The following SMARCD3 variants were observed in gnomAD, a reference collection of about 807,000 sequenced individuals.
The protein encoded by SMARCD3 is SWI/SNF-related matrix-associated actin-dependent regulator of chromatin subfamily D member 3.
Under a neutral mutation model 58.0 loss-of-function variants are expected in SMARCD3, and 14 were observed. The observed-to-expected ratio is 0.24, with a 90% CI of 0.16 to 0.38. The LOEUF is 0.38. SMARCD3 is among the 10% of genes least tolerant of loss of function. The pLI is 1.00. For missense variants in SMARCD3, 408 were observed against 636.9 expected (o/e 0.64, Z 3.87); for synonymous variants, 253 against 253.8 (o/e 1.00, Z 0.03).
chr7:151,249,866 A>C (rs1423592703), upstream of SMARCD3, among the ~76,000 whole-genome samples: 1 of 151,994 alleles, frequency 6.6e-6, no homozygotes, highest in Non-Finnish European at 1.5e-5. This position sits in a 1 kb window ranked among gnomAD's most constrained non-coding sequence, Gnocchi z 4.8. Flanking sequence ...AAATCCTGAC[A>C]TACCCAGGCA....
chr7:151,274,118 G>A (rs928126176), intron 2 of SMARCD3, among the ~76,000 whole-genome samples: 2 of 152,260 alleles, frequency 1.3e-5, no homozygotes, highest in African/African-American at 4.8e-5. Context: ...TGTGTGGTCT[G>A]TGGCCCTTTG....
chr7:151,270,227 C>T (rs866819647), intron 2 of SMARCD3, among the ~76,000 whole-genome samples: 4 of 152,126 alleles, frequency 2.6e-5, no homozygotes, highest in Non-Finnish European at 5.9e-5. Context: ...CCTCCAACCA[C>T]GGAGTTACAG....
chr7:151,243,815 C>T lies in SMARCD3; in HGVS notation c.291-114G>A. 1 of 803,494 alleles carries T rather than the reference C, an allele frequency of 1.2e-6. No individual in the cohort carries two copies. Among genetic ancestry groups the T allele is most frequent in the Non-Finnish European group, 2.2e-6 (1 of 448,342 alleles). The allele number at this position is 803,494 out of a possible 1,614,324, so 49.8% of individuals were successfully genotyped here. A position where few individuals can be genotyped will look rare whatever the true frequency, so the allele number is the denominator to read the frequency against. On this transcript the variant is annotated intron_variant, in intron 2 of 12. Transcript: ENST00000262188. This position sits in a 1 kb window ranked among gnomAD's most constrained non-coding sequence, Gnocchi z 4.4. ...GCCCGCCTGGCTGGGGTTCCCACAGCCCACTTGTCTGCCCGCCCAAGGGCT... is the reference window on the plus strand; with the variant it reads ...GCCCGCCTGGCTGGGGTTCCCACAGTCCACTTGTCTGCCCGCCCAAGGGCT...
Position 151,272,020 on chromosome 7 carries a change from T to C in SMARCD3, c.39+3094A>G, listed in dbSNP as rs115080306. ...AATGCATTCCTCTAGTTGCTCCAAA[T>C]TTTAAGTTTGGGTTAAGCAATATTA... On this transcript the variant is annotated intron_variant, in intron 2 of 13. Coordinates refer to the SMARCD3 transcript ENST00000356800. Among the ~76,000 whole-genome samples the C allele has an allele frequency of 8.8e-3, 1,343 of 152,274 alleles. 23 individuals are homozygous for C. Among genetic ancestry groups the C allele is most frequent in the African/African-American group, 0.031 (1,282 of 41,536 alleles).
At position 151,239,239 on chromosome 7, in the gene SMARCD3, C is replaced by G. The variant is rs940967573; in HGVS notation, c.1399-83G>C. 1 of 1,482,148 alleles carries G rather than the reference C, an allele frequency of 6.7e-7. No individual in the cohort carries two copies. The allele number at this position is 1,482,148 out of a possible 1,614,324, so 91.8% of individuals were successfully genotyped here. A position where few individuals can be genotyped will look rare whatever the true frequency, so the allele number is the denominator to read the frequency against. On this transcript the variant is annotated intron_variant, in intron 12 of 12. Coordinates refer to ENST00000262188, the MANE Select transcript of SMARCD3 (RefSeq NM_001003801.2). The surrounding 1 kb of genome is among the most constrained non-coding windows in gnomAD (Gnocchi z 7.0). ...ATCCCACCTACTGACACCGCCTGCC[C>G]TGAAAGAGCATCTGGGAGCAGGGAG...
Position 151,239,313 on chromosome 7 carries a change from G to T in SMARCD3, c.1398+83C>A. ...TGGTGAAGCTTTACTGTGGGGAGCT[G>T]CGAGGGCTGCCCACAAGCTGAACAG... On this transcript the variant is annotated intron_variant, in intron 12 of 12. Coordinates refer to ENST00000262188, the MANE Select transcript of SMARCD3 (RefSeq NM_001003801.2). The surrounding 1 kb of genome is among the most constrained non-coding windows in gnomAD (Gnocchi z 7.0). The T allele has an allele frequency of 1.5e-6, 2 of 1,344,922 alleles. No homozygotes were observed. The highest frequency in any genetic ancestry group is 2.1e-6 in the Non-Finnish European group (2 of 937,544). 83.3% of individuals were successfully genotyped at this position (1,344,922 alleles called of 1,614,324 possible).
Position 151,259,605 on chromosome 7 carries a change from T to TTTTTTTTTTTTTTTG in SMARCD3, c.40-13935_40-13934insCAAAAAAAAAAAAAA, listed in dbSNP as rs1803842323. On this transcript the variant is annotated intron_variant, in intron 2 of 13. Coordinates refer to the SMARCD3 transcript ENST00000356800. ...AGCTGAGGTTACAACCTGAGAGTTT[T>TTTTTTTTTTTTTTTG]TTTTTTTTTTTTTTTTTTTTTGAGA... is the stretch of plus-strand genomic sequence containing the variant. 1.9e-5 allele frequency among the ~76,000 whole-genome samples: 2 copies of TTTTTTTTTTTTTTTG among 106,080 alleles called. 1 individual carries two copies. Among genetic ancestry groups the TTTTTTTTTTTTTTTG allele is most frequent in the African/African-American group, 1.0e-4 (2 of 20,044 alleles). The allele number at this position is 106,080 out of a possible 152,430, so 69.6% of individuals were successfully genotyped here.
Position 151,241,388 on chromosome 7 carries a change from C to T in SMARCD3, c.939+104G>A. On this transcript the variant is annotated intron_variant, in intron 8 of 12. Coordinates refer to ENST00000262188, the MANE Select transcript of SMARCD3 (RefSeq NM_001003801.2). The surrounding 1 kb of genome is among the most constrained non-coding windows in gnomAD (Gnocchi z 5.3). ...ATGACTGTGTACTGCTTCTGCTACT[C>T]AGGAATCTAGAAGGGAGGGGTGGTA... The T allele has an allele frequency of 1.0e-6, 1 of 982,690 alleles. No individual in the cohort carries two copies. 60.9% of individuals were successfully genotyped at this position (982,690 alleles called of 1,614,324 possible).
At position 151,241,285 on chromosome 7, in the gene SMARCD3, A is replaced by G; in HGVS notation, c.939+207T>C. ...GTCTTCCTAACTTGGGGGGGCTAAC[A>G]TGGATTGGCTGCAGCACAGAGCTAA... On this transcript the variant is annotated intron_variant, in intron 8 of 12. Transcript: ENST00000262188. This position sits in a 1 kb window ranked among gnomAD's most constrained non-coding sequence, Gnocchi z 5.3. 1.6e-6 allele frequency: 1 copy of G among 620,734 alleles called. No homozygotes were observed. The highest frequency in any genetic ancestry group is 2.9e-6 in the Non-Finnish European group (1 of 341,088). 38.5% of individuals were successfully genotyped at this position (620,734 alleles called of 1,614,324 possible).
chr7:151,243,003 G>C lies in SMARCD3; in HGVS notation c.334-160C>G, dbSNP rs1803077116. 6.6e-6 allele frequency among the ~76,000 whole-genome samples: 1 copy of C among 152,122 alleles called. No homozygotes were observed. The highest frequency in any genetic ancestry group is 1.5e-5 in the Non-Finnish European group (1 of 68,004). On this transcript the variant is annotated intron_variant, in intron 3 of 12. Transcript: ENST00000262188. The surrounding 1 kb of genome is among the most constrained non-coding windows in gnomAD (Gnocchi z 4.4). ...CAGTGGGAACAGGACCTCTCCCCAG[G>C]ATGCCATTATCCAGCAGTAGGGGCC...
chr7:151,239,986 CT>C lies in SMARCD3; in HGVS notation c.1173+125del. 1.1e-6 allele frequency: 1 copy of C among 945,454 alleles called. No individual in the cohort carries two copies. Among genetic ancestry groups the C allele is most frequent in the East Asian group, 2.6e-5 (1 of 38,658 alleles). The allele number at this position is 945,454 out of a possible 1,614,324, so 58.6% of individuals were successfully genotyped here. A position where few individuals can be genotyped will look rare whatever the true frequency, so the allele number is the denominator to read the frequency against. Reference sequence around the variant, plus strand: ...GTGTCCCATTGGCCCAGAGTCTGGTCTCTTTTTTTTTTTTTTTTTTAATTTA... The same window carrying C: ...GTGTCCCATTGGCCCAGAGTCTGGTCCTTTTTTTTTTTTTTTTTTAATTTA... On this transcript the variant is annotated intron_variant, in intron 10 of 12. Coordinates refer to ENST00000262188, the MANE Select transcript of SMARCD3 (RefSeq NM_001003801.2). This position sits in a 1 kb window ranked among gnomAD's most constrained non-coding sequence, Gnocchi z 7.0.
rs546923781 is a variant in SMARCD3 at position 151,239,315 on chromosome 7, G to A, written c.1398+81C>T. 4.4e-6 allele frequency: 6 copies of A among 1,350,488 alleles called. No individual in the cohort carries two copies. The highest frequency in any genetic ancestry group is 2.3e-5 in the East Asian group (1 of 43,318). 83.7% of individuals were successfully genotyped at this position (1,350,488 alleles called of 1,614,324 possible). ...GTGAAGCTTTACTGTGGGGAGCTGC[G>A]AGGGCTGCCCACAAGCTGAACAGGG... On this transcript the variant is annotated intron_variant, in intron 12 of 12. Transcript: ENST00000262188. The surrounding 1 kb of genome is among the most constrained non-coding windows in gnomAD (Gnocchi z 7.0).
chr7:151,250,890 T>C (rs1803489128), upstream of SMARCD3, among the ~76,000 whole-genome samples: 1 of 152,068 alleles, frequency 6.6e-6, no homozygotes, highest in African/African-American at 2.4e-5. Flanking sequence ...TACTCTGCCA[T>C]TTACCTGATG....
chr7:151,253,491 C>G (rs1427316330), upstream of SMARCD3, among the ~76,000 whole-genome samples: 1 of 152,198 alleles, frequency 6.6e-6, no homozygotes, highest in African/African-American at 2.4e-5. Flanking sequence ...CCTCCTTCCT[C>G]TCTTTGCCTG....
chr7:151,267,031 G>T (rs747205859), intron 2 of SMARCD3, among the ~76,000 whole-genome samples: 2 of 152,146 alleles, frequency 1.3e-5, no homozygotes, highest in Non-Finnish European at 2.9e-5. Flanking sequence ...TATACCACAG[G>T]AATTGGCGAA....
chr7:151,275,727 G>A (rs1348457893), intron 1 of SMARCD3, among the ~76,000 whole-genome samples: 4 of 152,310 alleles, frequency 2.6e-5, no homozygotes, highest in South Asian at 4.1e-4. Flanking sequence ...TGGCCTAGGC[G>A]CCTCCCTCCT....
At chr7:151,255,839 G>A (rs1027580823) in intron 2 of SMARCD3, among the ~76,000 whole-genome samples, 34 of 151,782 alleles carry the variant, frequency 2.2e-4, no homozygotes, top group African/African-American at 6.8e-4. Context: ...TTGTTTTGAC[G>A]GTGACACATA....
At chr7:151,257,138 G>C (rs142503384) in intron 2 of SMARCD3, among the ~76,000 whole-genome samples, 1,879 of 152,164 alleles carry the variant, frequency 0.012, 47 homozygotes, top group African/African-American at 0.043. Context: ...TGATCCTCCC[G>C]CCTCAGCCTC....
Position 151,245,538 on chromosome 7 carries a change from C to G in SMARCD3, c.212G>C (p.Arg71Pro). Reference sequence around the variant, plus strand: ...GCTCTGCCCGGGCGGGGGCGCTGCTCGCTTGCGGGCGGGCTCCATGCCCGC... The same window carrying G: ...GCTCTGCCCGGGCGGGGGCGCTGCTGGCTTGCGGGCGGGCTCCATGCCCGC... ...APAGMEPARK[R>P]AAPPPGQSQA... Residue 71 changes from arginine to proline, a missense_variant, in exon 2 of 13, where the codon CGA becomes CCA. Coordinates refer to ENST00000262188, the MANE Select transcript of SMARCD3 (RefSeq NM_001003801.2). The surrounding 1 kb of genome is among the most constrained non-coding windows in gnomAD (Gnocchi z 6.2). 8.2e-7 allele frequency: 1 copy of G among 1,218,472 alleles called. No individual in the cohort carries two copies. The highest frequency in any genetic ancestry group is 1.0e-6 in the Non-Finnish European group (1 of 977,566). The allele number at this position is 1,218,472 out of a possible 1,614,324, so 75.5% of individuals were successfully genotyped here.
Sources: gnomAD v4.1 joint callset for allele counts (sites outside exome capture counted in the v4.1 genomes callset) on GRCh38, gnomAD v4.1.1 for gene constraint, Gnocchi (gnomAD v3.1) non-coding constraint, MANE v1.5 for transcripts, NCBI Gene and HGNC (gene_info 2026-07-23, HGNC 2026-07-21) for gene names.